Variants in NDUFA9 observed in about 807,000 individuals in gnomAD.
NDUFA9 encodes the protein NADH dehydrogenase [ubiquinone] 1 alpha subcomplex subunit 9, mitochondrial.
Under a neutral mutation model 45.9 loss-of-function variants are expected in NDUFA9, and 23 were observed. The ratio of observed to expected loss-of-function variants is 0.50; its 90% CI spans 0.36 to 0.71. The LOEUF (loss-of-function observed/expected upper bound fraction) is 0.71. NDUFA9 is among the 30% of genes least tolerant of loss of function. The probability of loss-of-function intolerance (pLI) is 0.00; values close to 1 mark genes in which losing one functional copy is unlikely to be tolerated. For synonymous variants in NDUFA9, 176 were observed against 170.5 expected (o/e 1.03, Z -0.25); for missense variants, 466 against 488.2 (o/e 0.95, Z 0.43).
rs866507113 is a variant in NDUFA9 at position 4,690,294 on chromosome 12, T to C, written c.*3186T>C. The C allele has an allele frequency of 6.6e-6, 1 of 152,380 alleles. No homozygotes were observed. The highest frequency in any genetic ancestry group is 3.4e-3 in the Middle Eastern group (1 of 294). 9.4% of individuals were successfully genotyped at this position (152,380 alleles called of 1,614,324 possible). A position where few individuals can be genotyped will look rare whatever the true frequency, so the allele number is the denominator to read the frequency against. On this transcript the variant is annotated 3_prime_UTR_variant, in exon 11 of 11. Transcript: ENST00000266544. The stretch of plus-strand genomic sequence containing the variant: ...AAACCTTTGTGATTCAGCAAATCTG[T>C]TTACCTTCTGATTCTACTTTAAATT...
At position 4,682,231 on chromosome 12, in the gene NDUFA9, T is replaced by A; in HGVS notation, c.827T>A (p.Leu276Gln). ...VGPSRYLLFH[L>Q]VKYIFAVAHR... ...CCCAGTCGGTACCTCCTTTTCCACC[T>A]GGTGAAGTACATCTTTGCTGTGGCT... Residue 276 changes from leucine to glutamine, a missense_variant, in exon 9 of 11, where the codon CTG becomes CAG. Transcript: ENST00000266544. 1 of 1,613,162 alleles carries A rather than the reference T, an allele frequency of 6.2e-7. No individual in the cohort carries two copies. Among genetic ancestry groups the A allele is most frequent in the Admixed American group, 1.7e-5 (1 of 59,966 alleles).
chr12:4,668,919 T>C (rs1945869741), intron 7 of NDUFA9, among the ~76,000 whole-genome samples: 1 of 152,204 alleles, frequency 6.6e-6, no homozygotes, highest in Non-Finnish European at 1.5e-5. Flanking sequence ...GCACCTAATC[T>C]AGACTTGGGC....
rs139647939 is a variant in NDUFA9 at position 4,667,018 on chromosome 12, A to G, written c.656-1439A>G. Among the ~76,000 whole-genome samples, 31 of 152,316 alleles carry G rather than the reference A, an allele frequency of 2.0e-4. No individual in the cohort carries two copies. In the East Asian group the frequency reaches 6.0e-3, roughly 29 times the overall value. On this transcript the variant is annotated intron_variant, in intron 6 of 10. Transcript: ENST00000266544. The stretch of plus-strand genomic sequence containing the variant: ...TTTTGGGGTACAACAAACGTTGAGT[A>G]ATTTATAAAGAAGAGAAATTTATTT...
At chr12:4,665,746 G>T (rs1395837801) in intron 6 of NDUFA9, among the ~76,000 whole-genome samples, 10 of 143,906 alleles carry the variant, frequency 6.9e-5, no homozygotes, top group Admixed American at 2.1e-4. Context: ...GTTATTTTCT[G>T]TTTTTTTTTT....
rs1946015120 is a variant in NDUFA9, at chr12:4,690,825, C to T, written c.*3717C>T. On this transcript the variant is annotated 3_prime_UTR_variant, in exon 11 of 11. Transcript: ENST00000266544. ...TCTCTGGAAGGATTAGCAAAAACTC[C>T]ATAGAAAACGGATTTTTAAAGCTGC... The T allele has an allele frequency of 6.6e-6, 1 of 152,162 alleles. No individual in the cohort carries two copies. The highest frequency in any genetic ancestry group is 1.5e-5 in the Non-Finnish European group (1 of 68,028). The allele number at this position is 152,162 out of a possible 1,614,324, so 9.4% of individuals were successfully genotyped here.
At chr12:4,674,844 C>T (rs552092411) in intron 8 of NDUFA9, among the ~76,000 whole-genome samples, 12 of 152,294 alleles carry the variant, frequency 7.9e-5, no homozygotes, top group African/African-American at 2.9e-4. Flanking sequence ...CAGAACTCTC[C>T]ACCCCAAATC....
intron 9 of NDUFA9, chr12:4,684,988 G>C (rs1414225345): frequency 1.7e-6 from 1 of 598,664 alleles, no homozygotes; most frequent in African/African-American, 1.9e-5. Context: ...GTTGTTTGTT[G>C]GTTTTATTTC....
chr12:4,655,559 G>T (rs1365733491), intron 3 of NDUFA9, among the ~76,000 whole-genome samples: 1 of 152,100 alleles, frequency 6.6e-6, no homozygotes, highest in Admixed American at 6.6e-5. Flanking sequence ...TTATTAAAAT[G>T]AATTTTACTT....
chr12:4,667,043 T>C (rs1279622175), intron 6 of NDUFA9, among the ~76,000 whole-genome samples: 1 of 152,192 alleles, frequency 6.6e-6, no homozygotes, highest in African/African-American at 2.4e-5. Flanking sequence ...GAAATTTATT[T>C]CCAACAGTTC....
chr12:4,653,172 C>G (rs1157696521), intron 1 of NDUFA9, among the ~76,000 whole-genome samples: 2 of 152,324 alleles, frequency 1.3e-5, no homozygotes, highest in East Asian at 3.9e-4. Context: ...TGGAATGTAT[C>G]CAAAAGAGAT....
chr12:4,653,448 T>G (rs1945770995), intron 1 of NDUFA9: 1 of 299,714 alleles, frequency 3.3e-6, no homozygotes, highest in South Asian at 2.9e-5. Context: ...TCCACAGGTG[T>G]TCAGGCAAAA....
At chr12:4,670,130 A>C (rs527272850) in intron 8 of NDUFA9, among the ~76,000 whole-genome samples, 1 of 152,334 alleles carries the variant, frequency 6.6e-6, no homozygotes, top group African/African-American at 2.4e-5. Flanking sequence ...AACACAAACA[A>C]AACACTTTTA....
chr12:4,674,302 AAATTCACACATAAC>A (rs1457731918), intron 8 of NDUFA9, among the ~76,000 whole-genome samples: 2 of 152,238 alleles, frequency 1.3e-5, no homozygotes, highest in Admixed American at 1.3e-4. Context: ...TGGCAGGATC[AAATTCACACATAAC>A]AATATTAACC....
chr12:4,674,884 A>G (rs1331706103), intron 8 of NDUFA9, among the ~76,000 whole-genome samples: 1 of 152,190 alleles, frequency 6.6e-6, no homozygotes, highest in Non-Finnish European at 1.5e-5. Flanking sequence ...TCAGCACCAC[A>G]TTGCACTTCT....
At chr12:4,662,748 C>CA in intron 6 of NDUFA9, 113 bp downstream of exon 6, 1 of 800,788 alleles carries the variant, frequency 1.2e-6, no homozygotes, top group Middle Eastern at 2.4e-4. Flanking sequence ...TTTTCTTTCC[C>CA]AGTTGCCTTT....
intron 1 of NDUFA9, among the ~76,000 whole-genome samples, chr12:4,650,779 T>C (rs1945754687): frequency 1.3e-5 from 2 of 152,154 alleles, no homozygotes; most frequent in African/African-American, 4.8e-5. Flanking sequence ...GCTGTTATGA[T>C]CTGGAAAGTC....
chr12:4,685,163 C>G, intron 9 of NDUFA9, 96 bp from the exon 10 acceptor site: 1 of 1,062,112 alleles, frequency 9.4e-7, no homozygotes, highest in Non-Finnish European at 1.5e-6. Context: ...TCAGACTGCT[C>G]TACAGCGGTC....
intron 9 of NDUFA9, among the ~76,000 whole-genome samples, chr12:4,683,180 CAA>C (rs60769758): frequency 5.0e-5 from 7 of 138,794 alleles, no homozygotes; most frequent in African/African-American, 8.2e-5. Flanking sequence ...GTCTCTGGAA[CAA>C]AAAAAAAAAA....
In NDUFA9 at chr12:4,662,853, T is replaced by G. The variant is rs144237185; in HGVS notation, c.655+218T>G. On this transcript the variant is annotated intron_variant, in intron 6 of 10. Coordinates refer to ENST00000266544, the MANE Select transcript of NDUFA9 (RefSeq NM_005002.5). ...TAGATTAATGGAAAGAGCATGAACTTGGGAGTCAGAGACTTGAGTTTAAGT... is the reference window on the plus strand; with the variant it reads ...TAGATTAATGGAAAGAGCATGAACTGGGGAGTCAGAGACTTGAGTTTAAGT... 2.9e-3 allele frequency among the ~76,000 whole-genome samples: 442 copies of G among 152,318 alleles called. 2 individuals carry two copies. Among genetic ancestry groups the G allele is most frequent in the African/African-American group, 0.01 (420 of 41,558 alleles).
Sources: allele counts gnomAD v4.1 joint callset (sites outside exome capture counted in the v4.1 genomes callset), GRCh38; gene constraint gnomAD v4.1.1; transcripts MANE v1.5; gene names NCBI Gene and HGNC (gene_info 2026-07-23, HGNC 2026-07-21).